DORIP1: variants seen among roughly 807,000 people sequenced by gnomAD.
The protein encoded by DORIP1 is dopamine receptor interacting protein 1, also known as dopamine receptor-interacting protein 1.
the DORIP1 span, chr14:44,904,060 CT>C: frequency 7.2e-5 from 71 of 984,906 alleles, no homozygotes; most frequent in Non-Finnish European, 7.7e-5. Context: ...TATTTTTCCC[CT>C]CTCTGCCATT....
At chr14:44,903,715 G>A in the DORIP1 span, 1 of 965,442 alleles carries the variant, frequency 1.0e-6, no homozygotes, top group Non-Finnish European at 1.2e-6. Context: ...ATTGTATAAT[G>A]AGAATTAATA....
the DORIP1 span, among the ~76,000 whole-genome samples, chr14:44,899,607 TAA>T: frequency 6.6e-6 from 1 of 151,796 alleles, no homozygotes; most frequent in Non-Finnish European, 1.5e-5. Context: ...CTACAACAAA[TAA>T]AATATGTAGT....
chr14:44,906,319 TAAAAC>T, the DORIP1 span: 1 of 152,158 alleles, frequency 6.6e-6, no homozygotes, highest in African/African-American at 2.4e-5. Flanking sequence ...ATTTTGCAGA[TAAAAC>T]AACTATAAAC....
the DORIP1 span, chr14:44,900,720 A>G: frequency 6.2e-7 from 1 of 1,613,988 alleles, no homozygotes; most frequent in Non-Finnish European, 8.5e-7. Context: ...TTCTTTACTT[A>G]ATGGACACCT....
chr14:44,899,958 A>C, the DORIP1 span, among the ~76,000 whole-genome samples: 1 of 150,772 alleles, frequency 6.6e-6, no homozygotes, highest in Admixed American at 6.6e-5. Context: ...CAGCCTCCCG[A>C]GTAGCTGGGA....
chr14:44,905,433 T>G, the DORIP1 span: 2 of 1,571,966 alleles, frequency 1.3e-6, no homozygotes, highest in African/African-American at 1.3e-5. Context: ...CTTTCCAGAT[T>G]GGTGGACATT....
At chr14:44,907,029 TATAC>T in the DORIP1 span, 1 of 152,550 alleles carries the variant, frequency 6.6e-6, no homozygotes, top group African/African-American at 2.4e-5. Context: ...TGAACTGAAG[TATAC>T]AATAACACAA....
At chr14:44,902,826 G>C in the DORIP1 span, among the ~76,000 whole-genome samples, 37 of 152,110 alleles carry the variant, frequency 2.4e-4, no homozygotes, top group East Asian at 4.8e-3. Context: ...TAACGGATCA[G>C]GTACTTGAGG....
the DORIP1 span, among the ~76,000 whole-genome samples, chr14:44,899,918 G>A: frequency 7.6e-5 from 10 of 131,962 alleles, no homozygotes; most frequent in East Asian, 1.8e-3. Flanking sequence ...CGCAACCTCC[G>A]CCTCCCAGGT....
chr14:44,903,064 GC>G, the DORIP1 span: 43 of 556,576 alleles, frequency 7.7e-5, no homozygotes, highest in Non-Finnish European at 1.3e-4. Flanking sequence ...TATACTATCT[GC>G]AAGAAATTCT....
the DORIP1 span, among the ~76,000 whole-genome samples, chr14:44,902,924 A>T: frequency 6.6e-6 from 1 of 152,154 alleles, no homozygotes; most frequent in Non-Finnish European, 1.5e-5. Context: ...ACGAGACCAG[A>T]TTGCCTCTTT....
chr14:44,898,316 C>G, the DORIP1 span, among the ~76,000 whole-genome samples: 2 of 152,088 alleles, frequency 1.3e-5, no homozygotes. Flanking sequence ...AACCTTCCCT[C>G]CTCCCGTTTT....
the DORIP1 span, among the ~76,000 whole-genome samples, chr14:44,899,563 G>A: frequency 1.3e-5 from 2 of 150,314 alleles, no homozygotes; most frequent in Non-Finnish European, 2.9e-5. Flanking sequence ...AGTCTATATA[G>A]CAACAGGAGT....
the DORIP1 span, among the ~76,000 whole-genome samples, chr14:44,902,266 A>G: frequency 6.6e-6 from 1 of 152,010 alleles, no homozygotes; most frequent in African/African-American, 2.4e-5. Flanking sequence ...ATGGCTCACT[A>G]CTTCAGCCTC....
the DORIP1 span, among the ~76,000 whole-genome samples, chr14:44,902,423 G>A: frequency 6.6e-6 from 1 of 152,110 alleles, no homozygotes; most frequent in Non-Finnish European, 1.5e-5. Context: ...GACTTCCTGG[G>A]TTCAAGAGAT....
At chr14:44,904,704 C>A in the DORIP1 span, 1 of 654,500 alleles carries the variant, frequency 1.5e-6, no homozygotes, top group Non-Finnish European at 2.3e-6. Flanking sequence ...ACTAGCAGTG[C>A]ACATAGTGGG....
At chr14:44,897,927 A>G in the DORIP1 span, among the ~76,000 whole-genome samples, 727 of 152,316 alleles carry the variant, frequency 4.8e-3, 4 homozygotes, top group African/African-American at 0.016. Context: ...GGGGACTTTT[A>G]GAATCCCTGA....
At chr14:44,903,743 A>T in the DORIP1 span, 1 of 964,198 alleles carries the variant, frequency 1.0e-6, no homozygotes, top group Non-Finnish European at 1.2e-6. Context: ...GGATGATCTT[A>T]TTGCTGATTA....
the DORIP1 span, chr14:44,900,387 T>C: frequency 3.6e-6 from 5 of 1,387,548 alleles, no homozygotes; most frequent in East Asian, 9.9e-5. Flanking sequence ...GCATTTAATA[T>C]ACAAAGTTAC....
Sources: allele counts gnomAD v4.1 joint callset (sites outside exome capture counted in the v4.1 genomes callset), GRCh38; gene constraint gnomAD v4.1.1; transcripts MANE v1.5; gene names NCBI Gene and HGNC (gene_info 2026-07-23, HGNC 2026-07-21).